LRBA: variants seen among roughly 807,000 people sequenced by gnomAD.
LRBA encodes lipopolysaccharide-responsive and beige-like anchor protein.
In LRBA, 176 loss-of-function variants were observed where a neutral mutation model predicts 330.0. That is an observed-to-expected ratio of 0.53 (90% CI 0.47 to 0.60). The LOEUF (loss-of-function observed/expected upper bound fraction) is 0.60, where lower values mean the gene tolerates loss of function less well. Ranked by LOEUF, LRBA falls within the 20% of genes least tolerant of loss-of-function variation. LRBA has a pLI of 0.00. For missense variants in LRBA, 3,259 were observed against 3,444.8 expected (o/e 0.95, Z 1.35); for synonymous variants, 1,230 against 1,193.0 (o/e 1.03, Z -0.64).
intron 39 of LRBA, among the ~76,000 whole-genome samples, chr4:150,590,508 GA>G (rs1200316727): frequency 6.6e-6 from 1 of 151,666 alleles, no homozygotes; most frequent in Non-Finnish European, 1.5e-5. Flanking sequence ...ATTCACAAAA[GA>G]AAAAAATGAG....
intron 44 of LRBA, among the ~76,000 whole-genome samples, chr4:150,439,120 GA>G (rs1243232823): frequency 6.6e-6 from 1 of 152,050 alleles, no homozygotes; most frequent in Non-Finnish European, 1.5e-5. Context: ...CCATGGAAAA[GA>G]AAAGAGAGAA....
intron 13 of LRBA, among the ~76,000 whole-genome samples, chr4:150,901,952 T>C (rs1274950054): frequency 1.3e-5 from 2 of 152,174 alleles, no homozygotes; most frequent in Non-Finnish European, 2.9e-5. Context: ...ACTATATGCA[T>C]AACACTGTAT....
chr4:150,546,962 G>A (rs1765929307), intron 40 of LRBA, among the ~76,000 whole-genome samples: 1 of 152,136 alleles, frequency 6.6e-6, no homozygotes, highest in African/African-American at 2.4e-5. Flanking sequence ...GGTTATGACA[G>A]ATAATATTTA....
chr4:150,485,480 G>A (rs1169908788), intron 42 of LRBA, among the ~76,000 whole-genome samples: 5 of 151,946 alleles, frequency 3.3e-5, no homozygotes, highest in African/African-American at 9.7e-5. Context: ...TTTGCAGAGA[G>A]AATATTTTCA....
intron 17 of LRBA, among the ~76,000 whole-genome samples, chr4:150,876,980 G>A (rs770493171): frequency 3.9e-5 from 6 of 152,176 alleles, no homozygotes; most frequent in East Asian, 3.9e-4. Context: ...TCAGCTGGGC[G>A]CAGTGGCTCA....
chr4:150,804,762 C>T (rs1360360516), intron 33 of LRBA, among the ~76,000 whole-genome samples: 4 of 152,034 alleles, frequency 2.6e-5, no homozygotes, highest in Non-Finnish European at 5.9e-5. Context: ...CTTTTGAATG[C>T]AAAAATTAAT....
intron 37 of LRBA, among the ~76,000 whole-genome samples, chr4:150,614,410 A>T (rs73861637): frequency 0.036 from 5,446 of 152,322 alleles, 305 homozygotes; most frequent in African/African-American, 0.12. Flanking sequence ...TAAGAAAGTT[A>T]TTGGAATAAA....
chr4:150,467,607 G>A lies in LRBA; in HGVS notation c.6780+66C>T, dbSNP rs1182811614. 11 of 994,090 alleles carry A rather than the reference G, an allele frequency of 1.1e-5. No individual in the cohort carries two copies. In the Middle Eastern group the frequency reaches 1.0e-3, roughly 93 times the overall value. 61.6% of individuals were successfully genotyped at this position (994,090 alleles called of 1,614,324 possible). ...AAATTTTTAAGTTAAGTAAAATAACGAAAGACAATCCAATTTATTTTTATA... is the reference window on the plus strand; with the variant it reads ...AAATTTTTAAGTTAAGTAAAATAACAAAAGACAATCCAATTTATTTTTATA... On this transcript the variant is annotated intron_variant, in intron 44 of 56. Coordinates refer to ENST00000651943, the MANE Select transcript of LRBA (RefSeq NM_001364905.1).
intron 2 of LRBA, among the ~76,000 whole-genome samples, chr4:151,009,997 A>T (rs780675027): frequency 6.6e-6 from 1 of 151,688 alleles, no homozygotes; most frequent in South Asian, 2.1e-4. Flanking sequence ...TAAATAAATA[A>T]ATAAATAAAT....
intron 56 of LRBA, among the ~76,000 whole-genome samples, chr4:150,269,055 C>A (rs1043104570): frequency 1.3e-5 from 2 of 151,974 alleles, no homozygotes; most frequent in Non-Finnish European, 2.9e-5. Context: ...ATATACAACA[C>A]GAAAATCAGT....
chr4:150,342,262 A>C (rs2127016892), intron 48 of LRBA, among the ~76,000 whole-genome samples: 2 of 152,248 alleles, frequency 1.3e-5, no homozygotes, highest in South Asian at 4.1e-4. Flanking sequence ...TAATCAGAAA[A>C]TGACCAACTT....
chr4:150,978,380 T>C (rs1051839792), intron 2 of LRBA, among the ~76,000 whole-genome samples: 3 of 152,158 alleles, frequency 2.0e-5, no homozygotes, highest in Admixed American at 6.5e-5. Flanking sequence ...TAGATCACAA[T>C]AGCCAGTCCC....
At chr4:150,805,570 GGAAAGGAAAGGA>G (rs1742628069) in intron 33 of LRBA, among the ~76,000 whole-genome samples, 1 of 115,366 alleles carries the variant, frequency 8.7e-6, no homozygotes, top group Non-Finnish European at 1.7e-5. Flanking sequence ...GGAAAGGAAA[GGAAAGGAAAGGA>G]AAGGAAAGGA....
chr4:150,787,033 A>G (rs1205675625), intron 34 of LRBA, among the ~76,000 whole-genome samples: 1 of 152,184 alleles, frequency 6.6e-6, no homozygotes, highest in East Asian at 1.9e-4. Context: ...AGAGTTCAAG[A>G]CCAGCCTGGC....
chr4:150,579,619 G>A (rs779411372), intron 40 of LRBA: 2 of 456,220 alleles, frequency 4.4e-6, no homozygotes, highest in Admixed American at 2.4e-5. Context: ...AAGCGTAGGG[G>A]CAAGGATGCG....
intron 17 of LRBA, among the ~76,000 whole-genome samples, chr4:150,877,649 C>T (rs558332095): frequency 4.2e-4 from 64 of 152,292 alleles, no homozygotes; most frequent in Non-Finnish European, 7.8e-4. Context: ...CAAATAAATT[C>T]TGGACATAAA....
chr4:150,904,259 T>C (rs915220410), intron 13 of LRBA, among the ~76,000 whole-genome samples: 19 of 152,340 alleles, frequency 1.2e-4, no homozygotes, highest in African/African-American at 3.8e-4. Flanking sequence ...TATTGTATTC[T>C]TCTTCTTAAA....
chr4:150,765,455 T>C (rs1460569826), intron 34 of LRBA, among the ~76,000 whole-genome samples: 1 of 152,064 alleles, frequency 6.6e-6, no homozygotes, highest in East Asian at 1.9e-4. Flanking sequence ...ATAACACACA[T>C]GCCAGTCTCG....
intron 47 of LRBA, among the ~76,000 whole-genome samples, chr4:150,361,538 G>A (rs1308181132): frequency 1.3e-5 from 2 of 151,656 alleles, no homozygotes; most frequent in Admixed American, 6.6e-5. Flanking sequence ...TCTTCTTCTC[G>A]CTTGACACTC....
Sources: allele counts gnomAD v4.1 joint callset (sites outside exome capture counted in the v4.1 genomes callset), GRCh38; gene constraint gnomAD v4.1.1; transcripts MANE v1.5; gene names NCBI Gene and HGNC (gene_info 2026-07-23, HGNC 2026-07-21).